The following LAMA1 variants were observed in gnomAD, a reference collection of about 807,000 sequenced individuals.
The protein encoded by LAMA1 is laminin subunit alpha 1.
Under a neutral mutation model 348.7 loss-of-function variants are expected in LAMA1, and 219 were observed. The ratio of observed to expected loss-of-function variants is 0.63; its 90% CI spans 0.56 to 0.70. The LOEUF (loss-of-function observed/expected upper bound fraction) is 0.70, where lower values mean the gene tolerates loss of function less well. Ranked by LOEUF, LAMA1 falls within the 30% of genes least tolerant of loss-of-function variation. The pLI is 0.00. For missense variants in LAMA1, 3,744 were observed against 3,888.0 expected, an observed-to-expected ratio of 0.96 and a Z score of 0.99; for synonymous variants, 1,487 against 1,491.0, an observed-to-expected ratio of 1.00 and a Z score of 0.06.
intron 34 of LAMA1, among the ~76,000 whole-genome samples, chr18:6,994,519 A>G (rs969157003): frequency 1.3e-5 from 2 of 152,158 alleles, no homozygotes; most frequent in African/African-American, 4.8e-5. Context: ...GAGGTACTTA[A>G]ACCCAAACTT....
At position 6,966,197 on chromosome 18, in the gene LAMA1, T is replaced by C. The variant is rs772309506; in HGVS notation, c.7000A>G (p.Asn2334Asp). ...ATVTQIIMLF[N>D]TFSPNGLLLY... ...AGAAGTCCATTAGGTGAAAAGGTAT[T>C]AAAAAGCATGATTATCTGGGTCACG... The change falls in exon 49 of 63, where the codon AAT becomes GAT. Residue 2334 changes from asparagine (N) to aspartate (D), a missense_variant. Transcript: ENST00000389658. 5 of 1,613,998 alleles carry C rather than the reference T, an allele frequency of 3.1e-6. No individual in the cohort carries two copies. The highest frequency in any genetic ancestry group is 3.4e-6 in the Non-Finnish European group (4 of 1,180,012).
In LAMA1 at chr18:6,979,626, G is replaced by A. The variant is rs1021814695; in HGVS notation, c.6007+895C>T. On this transcript the variant is annotated intron_variant, in intron 42 of 62. Coordinates refer to ENST00000389658, the MANE Select transcript of LAMA1 (RefSeq NM_005559.4). ...TCCTATTTAAAACTTTAGGCCAGGC[G>A]CGGTGGCTCACGCCTGTAATCCCAA... Among the ~76,000 whole-genome samples the A allele has an allele frequency of 7.9e-4, 121 of 152,212 alleles. 2 individuals are homozygous for A. The highest frequency in any genetic ancestry group is 2.8e-4 in the Non-Finnish European group (19 of 68,042).
rs1467913725 is a variant in LAMA1 at position 6,959,872 on chromosome 18, ATGT to A, written c.7627-383_7627-381del. On this transcript the variant is annotated intron_variant, in intron 53 of 62. Transcript: ENST00000389658. Reference sequence around the variant, plus strand: ...TGAATGTTTAATTGTTTTGCCTGTGATGTTGTTTCCAACATTATGAAAAGTAGA... The same window carrying A: ...TGAATGTTTAATTGTTTTGCCTGTGATGTTTCCAACATTATGAAAAGTAGA... 5.5e-5 allele frequency: 15 copies of A among 274,902 alleles called. No homozygotes were observed. The East Asian group carries it at 1.3e-3, about 23-fold the overall frequency. 17.0% of individuals were successfully genotyped at this position (274,902 alleles called of 1,614,324 possible).
chr18:6,979,700 C>A (rs944488384), intron 42 of LAMA1, among the ~76,000 whole-genome samples: 1 of 152,022 alleles, frequency 6.6e-6, no homozygotes, highest in Non-Finnish European at 1.5e-5. Context: ...GAGATCGAGA[C>A]CATCCTGGCT....
chr18:6,992,717 A>G lies in LAMA1; in HGVS notation c.5012T>C (p.Ile1671Thr), dbSNP rs750472385. The change falls in exon 36 of 63, where the codon ATT (isoleucine) becomes ACT (threonine). Residue 1671 changes from isoleucine to threonine, a missense_variant. This residue lies in a region of LAMA1 where 1,983 missense variants were observed against 1,934.3 expected (regional missense o/e 1.03). Coordinates refer to ENST00000389658, the MANE Select transcript of LAMA1 (RefSeq NM_005559.4). ...CTGATTTAAAGTTGTCTTTTCCATA[A>G]TTTCTATGGAGAAAATTCATCAATT... ...IERLQMSITE[I>T]MEKTTLNQTL... The G allele has an allele frequency of 1.2e-6, 2 of 1,610,964 alleles. No individual in the cohort carries two copies. Among genetic ancestry groups the G allele is most frequent in the Non-Finnish European group, 1.7e-6 (2 of 1,177,122 alleles).
chr18:7,052,912 C>T (rs928467765), intron 3 of LAMA1, among the ~76,000 whole-genome samples: 7 of 148,090 alleles, frequency 4.7e-5, no homozygotes, highest in African/African-American at 1.5e-4. Flanking sequence ...TCCGACTACT[C>T]GGGAGGCTGA....
chr18:6,993,994 T>C (rs1311829059), intron 34 of LAMA1, among the ~76,000 whole-genome samples: 2 of 152,196 alleles, frequency 1.3e-5, no homozygotes, highest in East Asian at 3.8e-4. Flanking sequence ...GGGTATGTTT[T>C]TAAAAGCAGG....
intron 3 of LAMA1, among the ~76,000 whole-genome samples, chr18:7,077,264 C>T (rs2058172855): frequency 7.1e-6 from 1 of 140,984 alleles, no homozygotes; most frequent in South Asian, 2.2e-4. Context: ...TGCAGTGGTG[C>T]AGTCTCGGCT....
chr18:6,958,585 T>C lies in LAMA1; in HGVS notation c.7856A>G (p.Asn2619Ser). The C allele has an allele frequency of 6.2e-7, 1 of 1,614,110 alleles. No individual in the cohort carries two copies. Among genetic ancestry groups the C allele is most frequent in the Middle Eastern group, 1.6e-4 (1 of 6,062 alleles). Residue 2619 changes from asparagine to serine, a missense_variant, in exon 55 of 63, where the codon AAT becomes AGT. This residue lies in a region of LAMA1 where 1,983 missense variants were observed against 1,934.3 expected (regional missense o/e 1.03). Transcript: ENST00000389658. ...LGTLVESRTI[N>S]VSNLYVGGIP... is the part of the protein sequence containing the mutation. ...TCCCCCGACGTACAGATTGGACACATTTATCGTCCTGCTTTCTACTAATGT... is the reference window on the plus strand; with the variant it reads ...TCCCCCGACGTACAGATTGGACACACTTATCGTCCTGCTTTCTACTAATGT...
intron 48 of LAMA1, 109 bp downstream of exon 48, chr18:6,971,748 G>A (rs1431807284): frequency 1.4e-5 from 20 of 1,463,386 alleles, no homozygotes; most frequent in East Asian, 4.6e-5. Flanking sequence ...ACCTACCAGC[G>A]ATATCACAAA....
intron 3 of LAMA1, among the ~76,000 whole-genome samples, chr18:7,063,550 A>G (rs975151592): frequency 1.3e-5 from 2 of 152,176 alleles, no homozygotes; most frequent in Non-Finnish European, 2.9e-5. Flanking sequence ...CATGTACACC[A>G]ATGTTCACAG....
At chr18:6,947,821 C>CAACA (rs1445488306) in intron 60 of LAMA1, among the ~76,000 whole-genome samples, 1 of 152,106 alleles carries the variant, frequency 6.6e-6, no homozygotes, top group Non-Finnish European at 1.5e-5. Flanking sequence ...GGGCTATTGA[C>CAACA]AACAGCAGGC....
chr18:6,942,356 A>C (rs1340772372), intron 62 of LAMA1, 117 bp from the exon 63 acceptor site: 1 of 1,087,190 alleles, frequency 9.2e-7, no homozygotes, highest in Middle Eastern at 3.0e-4. Flanking sequence ...ATTTTTCACT[A>C]TCAAAATTAG....
chr18:6,943,162 G>A lies in LAMA1; in HGVS notation c.9067+18C>T, dbSNP rs748125972. 2.5e-6 allele frequency: 4 copies of A among 1,604,222 alleles called. No homozygotes were observed. In the South Asian group the frequency reaches 4.4e-5, roughly 18 times the overall value. On this transcript the variant is annotated intron_variant, in intron 62 of 62. Coordinates refer to ENST00000389658, the MANE Select transcript of LAMA1 (RefSeq NM_005559.4). ...GACAGTGCCCCTTTTGAGTGGAAGAGCAGGTACCCGTACATACCAGGATAG... is the reference window on the plus strand; with the variant it reads ...GACAGTGCCCCTTTTGAGTGGAAGAACAGGTACCCGTACATACCAGGATAG...
intron 22 of LAMA1, among the ~76,000 whole-genome samples, chr18:7,015,219 G>GT (rs1426312019): frequency 6.6e-6 from 1 of 152,126 alleles, no homozygotes; most frequent in African/African-American, 2.4e-5. Context: ...GGTGTCTTAA[G>GT]GGTGTCCTGT....
At chr18:7,089,153 C>T (rs114345447) in intron 1 of LAMA1, among the ~76,000 whole-genome samples, 2,698 of 152,098 alleles carry the variant, frequency 0.018, 70 homozygotes, top group African/African-American at 0.06. Flanking sequence ...CTGAGGCAGG[C>T]GAATCACTTG....
chr18:7,022,724 C>G (rs1000630476), intron 19 of LAMA1, among the ~76,000 whole-genome samples: 12 of 152,168 alleles, frequency 7.9e-5, no homozygotes, highest in African/African-American at 2.9e-4. Flanking sequence ...GGCTAAGATG[C>G]ACCACACGGT....
At chr18:7,034,218 T>G (rs2057984010) in intron 14 of LAMA1, among the ~76,000 whole-genome samples, 1 of 152,164 alleles carries the variant, frequency 6.6e-6, no homozygotes, top group Non-Finnish European at 1.5e-5. Context: ...CATCGTGCAT[T>G]TCCCAGAAAC....
chr18:7,052,837 A>C (rs916562698), intron 3 of LAMA1, among the ~76,000 whole-genome samples: 5 of 152,046 alleles, frequency 3.3e-5, no homozygotes, highest in African/African-American at 1.2e-4. Context: ...TGGCTAATAC[A>C]GTGAAACCCC....
Sources: gnomAD v4.1 joint callset for allele counts (sites outside exome capture counted in the v4.1 genomes callset) on GRCh38, gnomAD v4.1.1 for gene constraint, gnomAD v4.1.1 regional missense constraint, MANE v1.5 for transcripts, NCBI Gene and HGNC (gene_info 2026-07-23, HGNC 2026-07-21) for gene names.